The following TMEM132D variants were observed in gnomAD, a reference collection of about 807,000 sequenced individuals.
The protein encoded by TMEM132D is mature OL transmembrane protein.
TMEM132D carries 21 observed loss-of-function variants against 62.3 expected under a neutral mutation model. The observed-to-expected ratio is 0.34, with a 90% CI of 0.24 to 0.49. TMEM132D has a LOEUF of 0.49. Among genes scored for constraint, TMEM132D ranks in the 20% least tolerant of loss-of-function variants. The pLI is 0.99. For synonymous variants in TMEM132D, 621 were observed against 575.6 expected (o/e 1.08, Z -1.13); for missense variants, 1,346 against 1,402.8 (o/e 0.96, Z 0.65).
chr12:129,506,747 A>G (rs1875342478), intron 3 of TMEM132D, among the ~76,000 whole-genome samples: 1 of 152,226 alleles, frequency 6.6e-6, no homozygotes, highest in Non-Finnish European at 1.5e-5. Flanking sequence ...ACCTGGAACT[A>G]CAAAAATTCT....
intron 2 of TMEM132D, among the ~76,000 whole-genome samples, chr12:129,588,019 C>T (rs1028627059): frequency 2.6e-5 from 4 of 152,176 alleles, no homozygotes; most frequent in African/African-American, 9.7e-5. Flanking sequence ...CCCTTCATGG[C>T]TTCTGATGGC....
chr12:129,088,078 C>A lies in TMEM132D; in HGVS notation c.1444-3376G>T, dbSNP rs796176562. Among the ~76,000 whole-genome samples, 81 of 23,448 alleles carry A rather than the reference C, an allele frequency of 3.5e-3. 8 individuals are homozygous for A. The highest frequency in any genetic ancestry group is 0.023 in the African/African-American group (42 of 1,860). The allele number at this position is 23,448 out of a possible 152,430, so 15.4% of individuals were successfully genotyped here. A position where few individuals can be genotyped will look rare whatever the true frequency, so the allele number is the denominator to read the frequency against. ...GTCCTCCATGACCGGGGTGTCCTCC[C>A]TGACCGGGTGTCCTCCCTGACCGGG... is the stretch of plus-strand genomic sequence containing the variant. On this transcript the variant is annotated intron_variant, in intron 5 of 8. Coordinates refer to ENST00000422113, the MANE Select transcript of TMEM132D (RefSeq NM_133448.3).
At chr12:129,149,905 G>C (rs746723709) in intron 5 of TMEM132D, among the ~76,000 whole-genome samples, 2 of 152,258 alleles carry the variant, frequency 1.3e-5, no homozygotes, top group African/African-American at 2.4e-5. Context: ...GGCTTCTCCG[G>C]TGTGTAAGAC....
intron 3 of TMEM132D, among the ~76,000 whole-genome samples, chr12:129,498,066 A>G (rs1875014067): frequency 6.6e-6 from 1 of 152,204 alleles, no homozygotes; most frequent in South Asian, 2.1e-4. Context: ...AAAAAAATTC[A>G]CACTAACATC....
chr12:129,246,296 G>A (rs980184148), intron 4 of TMEM132D, among the ~76,000 whole-genome samples: 1 of 152,192 alleles, frequency 6.6e-6, no homozygotes, highest in Non-Finnish European at 1.5e-5. Context: ...GGGGAGGAGT[G>A]TCCACGAGAA....
intron 5 of TMEM132D, among the ~76,000 whole-genome samples, chr12:129,117,757 G>A (rs896115281): frequency 6.6e-6 from 1 of 152,138 alleles, no homozygotes; most frequent in African/African-American, 2.4e-5. Flanking sequence ...AAGACTACAT[G>A]TCTCCTTTTA....
chr12:129,384,274 A>T (rs1325539499), intron 3 of TMEM132D, among the ~76,000 whole-genome samples: 3 of 152,220 alleles, frequency 2.0e-5, no homozygotes. Context: ...CAAAACAAAC[A>T]AGTGAAAATA....
intron 5 of TMEM132D, among the ~76,000 whole-genome samples, chr12:129,092,628 G>A (rs2135629120): frequency 1.3e-5 from 2 of 152,290 alleles, no homozygotes; most frequent in Middle Eastern, 6.8e-3. Flanking sequence ...TCAGGAGGCG[G>A]AGGTTGCAGT....
chr12:129,879,650 T>C (rs993872248), intron 1 of TMEM132D, among the ~76,000 whole-genome samples: 40 of 152,106 alleles, frequency 2.6e-4, no homozygotes, highest in Admixed American at 2.4e-3. Flanking sequence ...GGCGATGCCA[T>C]AGAAACTAAG....
At chr12:129,816,180 T>C (rs369639051) in intron 1 of TMEM132D, among the ~76,000 whole-genome samples, 18 of 152,290 alleles carry the variant, frequency 1.2e-4, no homozygotes, top group Non-Finnish European at 2.2e-4. Context: ...ACTTCAAAAA[T>C]ATATTTGCTA....
intron 3 of TMEM132D, among the ~76,000 whole-genome samples, chr12:129,355,965 C>G (rs936492115): frequency 1.3e-5 from 2 of 152,080 alleles, no homozygotes; most frequent in Non-Finnish European, 2.9e-5. Context: ...AGAGCCACCC[C>G]CGACGGGATC....
At chr12:129,325,502 T>C (rs1593337996) in intron 4 of TMEM132D, among the ~76,000 whole-genome samples, 1 of 152,136 alleles carries the variant, frequency 6.6e-6, no homozygotes, top group African/African-American at 2.4e-5. Context: ...AAAGGCTTGT[T>C]GGAATTTTGA....
chr12:129,774,193 G>A (rs1870847470), intron 1 of TMEM132D, among the ~76,000 whole-genome samples: 1 of 152,212 alleles, frequency 6.6e-6, no homozygotes, highest in South Asian at 2.1e-4. Context: ...CAAAGAAGGG[G>A]CAGTTTATTA....
At chr12:129,330,318 C>G (rs1869064145) in intron 4 of TMEM132D, among the ~76,000 whole-genome samples, 1 of 152,138 alleles carries the variant, frequency 6.6e-6, no homozygotes, top group Non-Finnish European at 1.5e-5. Context: ...TTACTGGAGT[C>G]TAGCAGCTTC....
At chr12:129,595,829 C>T (rs1440996116) in intron 2 of TMEM132D, among the ~76,000 whole-genome samples, 2 of 152,336 alleles carry the variant, frequency 1.3e-5, no homozygotes, top group Admixed American at 6.5e-5. Flanking sequence ...CCTGCATGAG[C>T]CAGTTTCCAG....
At chr12:129,847,078 GGA>G (rs1322109221) in intron 1 of TMEM132D, among the ~76,000 whole-genome samples, 1 of 152,204 alleles carries the variant, frequency 6.6e-6, no homozygotes, top group African/African-American at 2.4e-5. Context: ...TAGAGTAAGA[GGA>G]GAGATTCTTA....
At position 129,642,966 on chromosome 12, in the gene TMEM132D, C is replaced by A. The variant is rs1190490039; in HGVS notation, c.968+56844G>T. Among the ~76,000 whole-genome samples the A allele has an allele frequency of 2.8e-5, 4 of 140,604 alleles. No homozygotes were observed. The South Asian group carries it at 6.9e-4, about 24-fold the overall frequency. 92.2% of individuals were successfully genotyped at this position (140,604 alleles called of 152,430 possible). A position where few individuals can be genotyped will look rare whatever the true frequency, so the allele number is the denominator to read the frequency against. Reference sequence around the variant, plus strand: ...TGAGACGGAGTTTCACTCTTGTCACCAAGGCTGGAGAGCAATGGCACAATC... The same window carrying A: ...TGAGACGGAGTTTCACTCTTGTCACAAAGGCTGGAGAGCAATGGCACAATC... On this transcript the variant is annotated intron_variant, in intron 2 of 8. Coordinates refer to ENST00000422113, the MANE Select transcript of TMEM132D (RefSeq NM_133448.3).
At chr12:129,640,654 C>T (rs1436716148) in intron 2 of TMEM132D, among the ~76,000 whole-genome samples, 1 of 152,192 alleles carries the variant, frequency 6.6e-6, no homozygotes, top group Non-Finnish European at 1.5e-5. Context: ...TCCACTTCCC[C>T]CACTGTGACA....
At chr12:129,102,483 T>G (rs1875342844) in intron 5 of TMEM132D, among the ~76,000 whole-genome samples, 1 of 124,716 alleles carries the variant, frequency 8.0e-6, no homozygotes, top group Non-Finnish European at 1.8e-5. Flanking sequence ...ACTCACACAA[T>G]GCACACACAC....
Sources: gnomAD v4.1 joint callset for allele counts (sites outside exome capture counted in the v4.1 genomes callset) on GRCh38, gnomAD v4.1.1 for gene constraint, MANE v1.5 for transcripts, NCBI Gene and HGNC (gene_info 2026-07-23, HGNC 2026-07-21) for gene names.